Variants in LUC7L2 observed in about 807,000 individuals in gnomAD.
The protein encoded by LUC7L2 is LUC7 like 2, pre-mRNA splicing factor.
In LUC7L2, 25 loss-of-function variants were observed where a neutral mutation model predicts 52.8. That is an observed-to-expected ratio of 0.47 (90% CI 0.34 to 0.66). LUC7L2 has a LOEUF of 0.66. LUC7L2 is among the 30% of genes least tolerant of loss of function. The probability of loss-of-function intolerance (pLI) is 0.01; values close to 1 mark genes in which losing one functional copy is unlikely to be tolerated. For missense variants in LUC7L2, 328 were observed against 497.8 expected (o/e 0.66, Z 3.25); for synonymous variants, 144 against 160.9 (o/e 0.89, Z 0.80).
At chr7:139,350,012 T>C (rs1276682202) in intron 1 of LUC7L2, among the ~76,000 whole-genome samples, 3 of 152,210 alleles carry the variant, frequency 2.0e-5, no homozygotes, top group Non-Finnish European at 4.4e-5. Flanking sequence ...CTGACCTGCT[T>C]GTTGTCACTA....
intron 2 of LUC7L2, among the ~76,000 whole-genome samples, chr7:139,379,360 C>T (rs1327800944): frequency 7.3e-6 from 1 of 136,724 alleles, no homozygotes; most frequent in African/African-American, 3.3e-5. Context: ...TCCAGAAATG[C>T]ATTTCCTGCC....
chr7:139,415,691 C>G (rs1007715951), intron 8 of LUC7L2, among the ~76,000 whole-genome samples: 3 of 150,208 alleles, frequency 2.0e-5, no homozygotes. Context: ...TACGGGGTCT[C>G]CCTATGTTGC....
intron 7 of LUC7L2, among the ~76,000 whole-genome samples, chr7:139,411,914 C>T (rs1316349405): frequency 6.6e-6 from 1 of 152,082 alleles, no homozygotes; most frequent in African/African-American, 2.4e-5. Context: ...TAAGTGGTTT[C>T]TGGAAAATTA....
chr7:139,370,895 G>A (rs953300373), intron 1 of LUC7L2, among the ~76,000 whole-genome samples: 5 of 96,670 alleles, frequency 5.2e-5, no homozygotes, highest in African/African-American at 4.1e-4. Context: ...GGGAAAAAGA[G>A]GGAGGAACGT....
At chr7:139,359,704 C>T (rs998959954), upstream of LUC7L2, 2 of 398,138 alleles carry the variant, frequency 5.0e-6, no homozygotes, top group East Asian at 3.6e-5. Flanking sequence ...CGGGGCGGAT[C>T]CGGCTTGCAC....
At chr7:139,379,764 T>C (rs1220424430) in intron 2 of LUC7L2, among the ~76,000 whole-genome samples, 1 of 151,644 alleles carries the variant, frequency 6.6e-6, no homozygotes, top group Admixed American at 6.6e-5. Flanking sequence ...CAGGGTTTCA[T>C]CTTGTTGGCC....
intron 5 of LUC7L2, among the ~76,000 whole-genome samples, chr7:139,406,147 GT>G (rs552429608): frequency 1.7e-3 from 255 of 152,180 alleles, no homozygotes; most frequent in Admixed American, 3.3e-3. Flanking sequence ...TGCCTCCCGG[GT>G]TCAAGCGATT....
intron 1 of LUC7L2, among the ~76,000 whole-genome samples, chr7:139,361,659 ATTAAC>A (rs1397107019): frequency 6.6e-6 from 1 of 152,246 alleles, no homozygotes; most frequent in Non-Finnish European, 1.5e-5. Flanking sequence ...GAAAGTTAAC[ATTAAC>A]TTAAAATGCC....
At chr7:139,358,031 T>TA (rs374570760), upstream of LUC7L2, among the ~76,000 whole-genome samples, 816 of 151,514 alleles carry the variant, frequency 5.4e-3, 9 homozygotes, top group African/African-American at 0.018. Flanking sequence ...ATTTTTGAGA[T>TA]AGAGTCTTGC....
At chr7:139,370,865 C>T (rs998201821) in intron 1 of LUC7L2, among the ~76,000 whole-genome samples, 1 of 124,162 alleles carries the variant, frequency 8.1e-6, no homozygotes, top group South Asian at 2.4e-4. Context: ...AACTCAGCAG[C>T]TTATGTTGGA....
chr7:139,343,959 G>A (rs2131141449), intron 1 of LUC7L2, among the ~76,000 whole-genome samples: 1 of 151,606 alleles, frequency 6.6e-6, no homozygotes, highest in East Asian at 1.9e-4. Flanking sequence ...GTTGGTGGGG[G>A]GCGTATTATG....
chr7:139,402,374 C>T (rs1032329466), intron 4 of LUC7L2, 127 bp downstream of exon 4: 3 of 883,762 alleles, frequency 3.4e-6, no homozygotes, highest in South Asian at 1.9e-5. Context: ...TGTATACTTT[C>T]TTGTCTGCCC....
chr7:139,421,800 C>A (rs1795918814), intron 9 of LUC7L2, among the ~76,000 whole-genome samples: 1 of 152,180 alleles, frequency 6.6e-6, no homozygotes, highest in Non-Finnish European at 1.5e-5. Context: ...TATTCTAAGC[C>A]ATTTAAAATT....
intron 1 of LUC7L2, among the ~76,000 whole-genome samples, chr7:139,348,322 G>A (rs967921522): frequency 6.6e-6 from 1 of 151,540 alleles, no homozygotes; most frequent in Non-Finnish European, 1.5e-5. Flanking sequence ...ATAGGCATGA[G>A]CCACCATGTC....
Position 139,405,627 on chromosome 7 carries a change from T to C in LUC7L2, c.367-17T>C. 1 of 1,573,940 alleles carries C rather than the reference T, an allele frequency of 6.4e-7. No individual in the cohort carries two copies. On this transcript the variant is annotated splice_polypyrimidine_tract_variant and intron_variant, in intron 4 of 9. Transcript: ENST00000354926. Reference sequence around the variant, plus strand: ...TTCTCTTGTTTATTCATGATCTTCTTTTTTATTTCTTTTTAGGCAGAACGT... The same window carrying C: ...TTCTCTTGTTTATTCATGATCTTCTCTTTTATTTCTTTTTAGGCAGAACGT...
At chr7:139,417,778 G>A in intron 9 of LUC7L2, 49 bp downstream of exon 9, 1 of 1,567,248 alleles carries the variant, frequency 6.4e-7, no homozygotes, top group South Asian at 1.2e-5. Context: ...ATGTTTTAGA[G>A]TTGTTTATGT....
At position 139,418,605 on chromosome 7, in the gene LUC7L2, AT is replaced by A. The variant is rs1044914732; in HGVS notation, c.1001+885del. The stretch of plus-strand genomic sequence containing the variant: ...ACAGAAAGCTGTTAAAATCTTTCCT[AT>A]TTTTTTTTGACTCAACTTTCCATTC... On this transcript the variant is annotated intron_variant, in intron 9 of 9. Transcript: ENST00000354926. Among the ~76,000 whole-genome samples, 13 of 150,498 alleles carry A rather than the reference AT, an allele frequency of 8.6e-5. 1 individual carries two copies. Among genetic ancestry groups the A allele is most frequent in the African/African-American group, 2.9e-4 (12 of 41,146 alleles).
At chr7:139,359,110 G>A (rs1041938368), upstream of LUC7L2, 1 of 152,154 alleles carries the variant, frequency 6.6e-6, no homozygotes, top group Non-Finnish European at 1.5e-5. Context: ...AGCCCTACGA[G>A]GGGTAGAACT....
At chr7:139,406,224 A>T (rs1046491070) in intron 5 of LUC7L2, among the ~76,000 whole-genome samples, 1 of 150,912 alleles carries the variant, frequency 6.6e-6, no homozygotes, top group African/African-American at 2.4e-5. Flanking sequence ...GCTAATATTT[A>T]TATTTTTAGT....
Sources: gnomAD v4.1 joint callset for allele counts (sites outside exome capture counted in the v4.1 genomes callset) on GRCh38, gnomAD v4.1.1 for gene constraint, MANE v1.5 for transcripts, NCBI Gene and HGNC (gene_info 2026-07-23, HGNC 2026-07-21) for gene names.